The following CDH13 variants were observed in gnomAD, a reference collection of about 807,000 sequenced individuals.
The protein encoded by CDH13 is cadherin 13.
CDH13 carries 24 observed loss-of-function variants against 63.8 expected under a neutral mutation model. That is an observed-to-expected ratio of 0.38 (90% CI 0.27 to 0.53). The LOEUF is 0.53. Among genes scored for constraint, CDH13 ranks in the 20% least tolerant of loss-of-function variants. The pLI, the probability that CDH13 is intolerant of heterozygous loss-of-function variation, is 0.85. For missense variants in CDH13, 1,049 were observed against 903.1 expected, an observed-to-expected ratio of 1.16 and a Z score of -2.07; for synonymous variants, 503 against 355.3, an observed-to-expected ratio of 1.42 and a Z score of -4.67.
At chr16:83,238,106 T>A (rs1272595356) in intron 5 of CDH13, among the ~76,000 whole-genome samples, 1 of 3,314 alleles carries the variant, frequency 3.0e-4, no homozygotes, top group African/African-American at 3.9e-4. Context: ...GAGGAGTGGA[T>A]CCCTTTTTCC....
rs150157111 is a variant in CDH13, at chr16:83,159,472, T to C, written c.483+33971T>C. On this transcript the variant is annotated intron_variant, in intron 4 of 13. Transcript: ENST00000567109. ...TGTGGCGTTTATTCTTTTGTAACAC[T>C]GAGCTAAAGTCTCTATGGGAAAGAT... 2.7e-3 allele frequency among the ~76,000 whole-genome samples: 407 copies of C among 152,310 alleles called. 15 individuals are homozygous for C. The East Asian group carries it at 0.076, about 28-fold the overall frequency.
At chr16:83,323,284 T>TG (rs1278839111) in intron 5 of CDH13, among the ~76,000 whole-genome samples, 2 of 148,418 alleles carry the variant, frequency 1.3e-5, no homozygotes, top group Non-Finnish European at 3.0e-5. Flanking sequence ...CTTTTTTTCT[T>TG]TTTTTTTTAA....
intron 1 of CDH13, among the ~76,000 whole-genome samples, chr16:82,787,071 A>T (rs776956462): frequency 1.3e-5 from 2 of 152,172 alleles, no homozygotes; most frequent in Non-Finnish European, 2.9e-5. Flanking sequence ...GTAACATATA[A>T]TTCACCTATA....
At chr16:82,808,712 A>T (rs1381920414) in intron 1 of CDH13, among the ~76,000 whole-genome samples, 1 of 152,156 alleles carries the variant, frequency 6.6e-6, no homozygotes, top group Non-Finnish European at 1.5e-5. Context: ...AATTTTATAC[A>T]AGATAAAGAT....
chr16:82,954,550 T>A (rs1905771976), intron 2 of CDH13: 1 of 152,176 alleles, frequency 6.6e-6, no homozygotes, highest in Non-Finnish European at 1.5e-5. Context: ...GCTCCCTGTG[T>A]CTGAAGGCTA....
intron 10 of CDH13, among the ~76,000 whole-genome samples, chr16:83,708,166 G>A (rs551097879): frequency 1.3e-5 from 2 of 152,184 alleles, no homozygotes; most frequent in Middle Eastern, 3.2e-3. Context: ...AAGCCACCGG[G>A]AGAACCAACA....
intron 6 of CDH13, among the ~76,000 whole-genome samples, chr16:83,473,529 G>T (rs1032665119): frequency 3.3e-5 from 5 of 152,136 alleles, no homozygotes; most frequent in African/African-American, 1.2e-4. Context: ...TTACCTAACA[G>T]GTGTGGTTCT....
At chr16:83,264,491 ATAT>A (rs1410785609) in intron 5 of CDH13, among the ~76,000 whole-genome samples, 27 of 152,122 alleles carry the variant, frequency 1.8e-4, no homozygotes, top group East Asian at 7.7e-4. Flanking sequence ...GTGTGTGTAC[ATAT>A]TATACACATG....
At chr16:82,988,028 T>G (rs992226510) in intron 2 of CDH13, among the ~76,000 whole-genome samples, 1 of 152,212 alleles carries the variant, frequency 6.6e-6, no homozygotes, top group African/African-American at 2.4e-5. Flanking sequence ...TGCCAGAGCA[T>G]GATACTGCCA....
chr16:83,300,676 C>T (rs949169320), intron 5 of CDH13, among the ~76,000 whole-genome samples: 1 of 152,160 alleles, frequency 6.6e-6, no homozygotes, highest in Non-Finnish European at 1.5e-5. Context: ...GACGTTAATC[C>T]AATTAAATCT....
intron 2 of CDH13, among the ~76,000 whole-genome samples, chr16:82,996,308 C>T (rs1347018913): frequency 6.6e-6 from 1 of 152,100 alleles, no homozygotes; most frequent in East Asian, 1.9e-4. Flanking sequence ...GTGGCCTCTA[C>T]CCCATGACTC....
chr16:82,873,384 T>C (rs145056004), intron 2 of CDH13, among the ~76,000 whole-genome samples: 11 of 152,328 alleles, frequency 7.2e-5, no homozygotes, highest in African/African-American at 2.6e-4. Flanking sequence ...ATCCTCTGAC[T>C]CCAAACCCCA....
chr16:83,612,425 G>A (rs1248416424), intron 8 of CDH13, among the ~76,000 whole-genome samples: 1 of 151,792 alleles, frequency 6.6e-6, no homozygotes, highest in Non-Finnish European at 1.5e-5. Context: ...TCTCTTTTAA[G>A]TGGTGTATGT....
At chr16:83,790,761 C>G (rs917899956) in intron 13 of CDH13, among the ~76,000 whole-genome samples, 1 of 152,154 alleles carries the variant, frequency 6.6e-6, no homozygotes, top group African/African-American at 2.4e-5. Context: ...AATTCTTCCC[C>G]TAGCACCCTC....
At chr16:83,368,850 A>G (rs1323429828) in intron 6 of CDH13, among the ~76,000 whole-genome samples, 3 of 123,094 alleles carry the variant, frequency 2.4e-5, no homozygotes, top group Non-Finnish European at 5.1e-5. Flanking sequence ...CCATTATTTC[A>G]TTCTTTTTTA....
intron 6 of CDH13, among the ~76,000 whole-genome samples, chr16:83,367,259 A>T (rs996005575): frequency 1.3e-5 from 2 of 152,172 alleles, no homozygotes; most frequent in African/African-American, 4.8e-5. Context: ...TTCACTCAGC[A>T]TCATGTTTTC....
intron 1 of CDH13, among the ~76,000 whole-genome samples, chr16:82,664,563 G>C (rs796397269): frequency 6.6e-6 from 1 of 152,204 alleles, no homozygotes; most frequent in African/African-American, 2.4e-5. Flanking sequence ...GAGGGAGAAG[G>C]CTGGGAGCCT....
chr16:82,781,951 G>T (rs898771748), intron 1 of CDH13, among the ~76,000 whole-genome samples: 3 of 152,204 alleles, frequency 2.0e-5, no homozygotes, highest in Non-Finnish European at 4.4e-5. Flanking sequence ...GTGTCTGAAG[G>T]ATTCAAAGAA....
intron 1 of CDH13, among the ~76,000 whole-genome samples, chr16:82,670,717 G>T (rs998287579): frequency 6.6e-6 from 1 of 152,168 alleles, no homozygotes; most frequent in Non-Finnish European, 1.5e-5. Context: ...CACATCCATG[G>T]ATTTCCCTTT....
Sources: gnomAD v4.1 joint callset for allele counts (sites outside exome capture counted in the v4.1 genomes callset) on GRCh38, gnomAD v4.1.1 for gene constraint, MANE v1.5 for transcripts, NCBI Gene and HGNC (gene_info 2026-07-23, HGNC 2026-07-21) for gene names.